The following TUT1 variants were observed in gnomAD, a reference collection of about 807,000 sequenced individuals.
The protein encoded by TUT1 is speckle targeted PIP5K1A-regulated poly(A) polymerase.
Under a neutral mutation model 48.8 loss-of-function variants are expected in TUT1, and 26 were observed. The ratio of observed to expected loss-of-function variants is 0.53; its 90% CI spans 0.39 to 0.74. The LOEUF is 0.74. Among genes scored for constraint, TUT1 ranks in the 30% least tolerant of loss-of-function variants. TUT1 has a pLI of 0.00. For synonymous variants in TUT1, 470 were observed against 460.8 expected (o/e 1.02, Z -0.26); for missense variants, 1,065 against 1,114.8 (o/e 0.96, Z 0.64).
chr11:62,580,592 A>G (rs973392307), intron 4 of TUT1, among the ~76,000 whole-genome samples: 2 of 146,422 alleles, frequency 1.4e-5, no homozygotes, highest in African/African-American at 5.1e-5. Context: ...CCAGGTATCC[A>G]TGTCAATTCT....
chr11:62,590,292 A>C (rs1941987764), intron 1 of TUT1, among the ~76,000 whole-genome samples: 1 of 152,254 alleles, frequency 6.6e-6, no homozygotes, highest in African/African-American at 2.4e-5. Context: ...CAGGAATTGG[A>C]GACCAGCCTA....
intron 1 of TUT1, among the ~76,000 whole-genome samples, chr11:62,589,443 G>T (rs765985536): frequency 1.3e-5 from 2 of 150,126 alleles, no homozygotes; most frequent in African/African-American, 4.9e-5. Context: ...TCTCACTGTC[G>T]CCCCCGCTGG....
At chr11:62,586,923 T>G (rs1329028333) in intron 2 of TUT1, among the ~76,000 whole-genome samples, 2 of 149,772 alleles carry the variant, frequency 1.3e-5, no homozygotes, top group African/African-American at 4.9e-5. Context: ...CAGGCTGGTC[T>G]CGAACTCCTG....
Position 62,575,785 on chromosome 11 carries a change from T to C in TUT1, c.1934A>G (p.Glu645Gly), listed in dbSNP as rs1216262973. 1 of 1,614,064 alleles carries C rather than the reference T, an allele frequency of 6.2e-7. No individual in the cohort carries two copies. The highest frequency in any genetic ancestry group is 8.5e-7 in the Non-Finnish European group (1 of 1,180,034). Residue 645 changes from glutamate to glycine, a missense_variant, in exon 9 of 9, where the codon GAA becomes GGA. By Grantham distance (98) the Glu-to-Gly change is moderately conservative. Transcript: ENST00000476907. ...AGAGGACTCCCCAGTTCCACCTCCT[T>C]CTGACCGCGTTCTCTTGGTTGCCTG... ...IEQATKRTRS[E>G]GGGTGESSQG...
intron 2 of TUT1, among the ~76,000 whole-genome samples, chr11:62,587,243 G>A (rs904845269): frequency 2.6e-5 from 4 of 152,082 alleles, no homozygotes; most frequent in Admixed American, 6.6e-5. Context: ...ATGCAATGGC[G>A]CGATGTCGGC....
intron 2 of TUT1, among the ~76,000 whole-genome samples, chr11:62,587,877 A>C (rs1312829336): frequency 6.6e-6 from 1 of 152,218 alleles, no homozygotes; most frequent in Non-Finnish European, 1.5e-5. Context: ...CAGGGAAGCA[A>C]CACAAAAAGC....
intron 4 of TUT1, among the ~76,000 whole-genome samples, chr11:62,579,312 G>C (rs1317153996): frequency 1.3e-5 from 2 of 152,198 alleles, no homozygotes; most frequent in Non-Finnish European, 2.9e-5. Flanking sequence ...CAGGACAGCT[G>C]ACCAAATTAG....
At chr11:62,576,347 A>C in intron 8 of TUT1, 103 bp from the exon 9 acceptor site, 2 of 1,379,520 alleles carry the variant, frequency 1.4e-6, no homozygotes, top group Non-Finnish European at 1.9e-6. Flanking sequence ...TTTCCCTTCC[A>C]AGGGGCTCAG....
intron 2 of TUT1, among the ~76,000 whole-genome samples, chr11:62,587,785 C>A (rs1414661065): frequency 6.6e-6 from 1 of 152,210 alleles, no homozygotes; most frequent in African/African-American, 2.4e-5. Flanking sequence ...GCCTACATAA[C>A]AAGAGTACAG....
At position 62,585,749 on chromosome 11, in the gene TUT1, A is replaced by T. The variant is rs568109541; in HGVS notation, c.273+3282T>A. Among the ~76,000 whole-genome samples the T allele has an allele frequency of 7.2e-5, 11 of 152,294 alleles. No homozygotes were observed. In the East Asian group the frequency reaches 2.1e-3, roughly 29 times the overall value. ...AGGAGGCAGAGGTTGCAGTGAGCCAAGATCGTGCCACTGCACTCCAGCCTG... is the reference window on the plus strand; with the variant it reads ...AGGAGGCAGAGGTTGCAGTGAGCCATGATCGTGCCACTGCACTCCAGCCTG... On this transcript the variant is annotated intron_variant, in intron 2 of 8. Transcript: ENST00000476907.
intron 2 of TUT1, 145 bp downstream of exon 2, chr11:62,588,886 G>T: frequency 1.6e-6 from 1 of 639,538 alleles, no homozygotes; most frequent in Non-Finnish European, 2.6e-6. Flanking sequence ...TAGAGATGGG[G>T]TTTCACCATG....
chr11:62,582,458 T>C (rs893127859), intron 2 of TUT1: 2 of 320,528 alleles, frequency 6.2e-6, no homozygotes, highest in Non-Finnish European at 1.3e-5. Context: ...TAGCCAGGCA[T>C]GGCAGCACAC....
At position 62,575,828 on chromosome 11, in the gene TUT1, G is replaced by A; in HGVS notation, c.1891C>T (p.Leu631=). ...GTTGCCTGTTCTATATGGCACCCCA[G>A]TGCTTCCCTGAATACCTGCACCAGG... ...AALVQVFREA[L]GCHIEQATKR... The change falls in exon 9 of 9, where the codon CTG becomes TTG. Residue 631 remains leucine (L), a synonymous_variant. Coordinates refer to ENST00000476907, the MANE Select transcript of TUT1 (RefSeq NM_022830.3). 3.1e-6 allele frequency: 5 copies of A among 1,614,194 alleles called. No individual in the cohort carries two copies. Among genetic ancestry groups the A allele is most frequent in the Non-Finnish European group, 4.2e-6 (5 of 1,180,044 alleles).
chr11:62,575,847 C>T lies in TUT1; in HGVS notation c.1872G>A (p.Val624=), dbSNP rs1941714992. The change falls in exon 9 of 9, where the codon GTG becomes GTA. Residue 624 remains valine (V), a synonymous_variant. Transcript: ENST00000476907. ...ACCCCAGTGCTTCCCTGAATACCTG[C>T]ACCAGGGCAGCAGTGAGCTGGGTGA... ...APFTQLTAAL[V]QVFREALGCH... 6.2e-7 allele frequency: 1 copy of T among 1,614,092 alleles called. No homozygotes were observed. Among genetic ancestry groups the T allele is most frequent in the Non-Finnish European group, 8.5e-7 (1 of 1,180,048 alleles).
At chr11:62,579,750 C>T (rs373738949) in intron 4 of TUT1, among the ~76,000 whole-genome samples, 6 of 151,118 alleles carry the variant, frequency 4.0e-5, no homozygotes, top group Non-Finnish European at 8.8e-5. Flanking sequence ...CTGCAACCTC[C>T]GCCTCCTGGG....
chr11:62,582,548 A>G (rs765084494), intron 2 of TUT1: 16 of 451,900 alleles, frequency 3.5e-5, no homozygotes, highest in South Asian at 2.5e-4. Flanking sequence ...GTGAGCTGTG[A>G]TTGTGATTGC....
At chr11:62,580,404 G>T (rs533293161) in intron 4 of TUT1, among the ~76,000 whole-genome samples, 17 of 151,300 alleles carry the variant, frequency 1.1e-4, no homozygotes, top group South Asian at 4.2e-4. Context: ...AGGTTGCAGT[G>T]AGCCGAGATC....
At chr11:62,587,284 C>T (rs1218245270) in intron 2 of TUT1, among the ~76,000 whole-genome samples, 3 of 151,996 alleles carry the variant, frequency 2.0e-5, no homozygotes, top group African/African-American at 7.3e-5. Flanking sequence ...CGGGTTCAAG[C>T]GATTCTCCTG....
At position 62,578,611 on chromosome 11, in the gene TUT1, C is replaced by T. The variant is rs1017553937; in HGVS notation, c.1110G>A (p.Lys370=). The T allele has an allele frequency of 6.8e-6, 11 of 1,613,576 alleles. No homozygotes were observed. Among genetic ancestry groups the T allele is most frequent in the Admixed American group, 6.7e-5 (4 of 59,932 alleles). The change falls in exon 5 of 9, where the codon AAG becomes AAA. Residue 370 remains lysine, a synonymous_variant. Transcript: ENST00000476907. Reference sequence around the variant, plus strand: ...GGAGACCTGAAGGCCGATGACAGAACTTGACCACAGGGCGCCGGGCAGAGG... The same window carrying T: ...GGAGACCTGAAGGCCGATGACAGAATTTGACCACAGGGCGCCGGGCAGAGG... ...TVPSARRPVV[K]FCHRPSGLHG...
Sources: gnomAD v4.1 joint callset for allele counts (sites outside exome capture counted in the v4.1 genomes callset) on GRCh38, gnomAD v4.1.1 for gene constraint, MANE v1.5 for transcripts, NCBI Gene and HGNC (gene_info 2026-07-23, HGNC 2026-07-21) for gene names.